CAPRIN2: variants seen among roughly 807,000 people sequenced by gnomAD.
CAPRIN2 encodes the protein caprin-2.
Under a neutral mutation model 130.4 loss-of-function variants are expected in CAPRIN2, and 66 were observed. The observed-to-expected ratio is 0.51, with a 90% CI of 0.42 to 0.62. The LOEUF (loss-of-function observed/expected upper bound fraction) is 0.62, where lower values mean the gene tolerates loss of function less well. Among genes scored for constraint, CAPRIN2 ranks in the 20% least tolerant of loss-of-function variants. The probability of loss-of-function intolerance (pLI) is 0.00; values close to 1 mark genes in which losing one functional copy is unlikely to be tolerated. For synonymous variants in CAPRIN2, 471 were observed against 444.1 expected, an observed-to-expected ratio of 1.06 and a Z score of -0.76; for missense variants, 1,185 against 1,246.6, an observed-to-expected ratio of 0.95 and a Z score of 0.74.
At chr12:30,753,451 G>C in exon 1 of CAPRIN2, 1 of 1,614,156 alleles carries the variant, frequency 6.2e-7, no homozygotes, top group Non-Finnish European at 8.5e-7. Context: ...AGAGTAGACT[G>C]CAGGGGGCTC....
exon 1 of CAPRIN2, chr12:30,753,790 T>C (rs1317064284): frequency 6.3e-7 from 1 of 1,575,336 alleles, no homozygotes; most frequent in East Asian, 2.2e-5. Context: ...TTAGTGCCGC[T>C]AGCCAATAAG....
Position 30,735,147 on chromosome 12 carries a change from CT to C in CAPRIN2, c.629del (p.Glu210GlyfsTer18). The C allele has an allele frequency of 1.2e-6, 2 of 1,614,174 alleles. No homozygotes were observed. Among genetic ancestry groups the C allele is most frequent in the Non-Finnish European group, 1.7e-6 (2 of 1,180,022 alleles). On this transcript the variant is annotated frameshift_variant, in exon 4 of 17. Transcript: ENST00000298892. LOFTEE classifies it high-confidence loss of function. ...GAAGTATAGTTCGAAGCTTTTTCTT[CT>C]CAGCCTCAAGTTTTAGCATGTGCTC... is the stretch of plus-strand genomic sequence containing the variant.
chr12:30,753,514 A>G (rs2074974374), exon 1 of CAPRIN2: 1 of 1,614,036 alleles, frequency 6.2e-7, no homozygotes, highest in Non-Finnish European at 8.5e-7. Context: ...GGCTTGGCTG[A>G]CTTCATATTC....
intron 2 of CAPRIN2, among the ~76,000 whole-genome samples, chr12:30,745,666 T>TC (rs2069769371): frequency 6.6e-6 from 1 of 151,872 alleles, no homozygotes; most frequent in Admixed American, 6.6e-5. Flanking sequence ...AATTCAGTCT[T>TC]CAAGAAATTT....
At position 30,724,393 on chromosome 12, in the gene CAPRIN2, G is replaced by A. The variant is rs2304628; in HGVS notation, c.1964C>T (p.Ser655Leu). The change falls in exon 10 of 17, where the codon TCA becomes TTA. Residue 655 changes from serine (S) to leucine (L), a missense_variant. By Grantham distance (145) the Ser-to-Leu change is moderately radical. Transcript: ENST00000298892. ...ACCTACGGGGCTACCTGGAGTAGCTGAAGGCGGTTGTGACGTTGGAATTGC... is the reference window on the plus strand; with the variant it reads ...ACCTACGGGGCTACCTGGAGTAGCTAAAGGCGGTTGTGACGTTGGAATTGC... 1.2e-4 allele frequency: 192 copies of A among 1,612,804 alleles called. No individual in the cohort carries two copies. The East Asian group carries it at 4.2e-3, about 35-fold the overall frequency.
At chr12:30,730,189 T>G (rs1248347900) in intron 7 of CAPRIN2, 50 bp downstream of exon 8, 2 of 1,474,526 alleles carry the variant, frequency 1.4e-6, no homozygotes, top group Admixed American at 3.4e-5. Flanking sequence ...CATAACCCTA[T>G]GCAAAAGGCT....
At chr12:30,736,249 T>C (rs939795045) in intron 3 of CAPRIN2, among the ~76,000 whole-genome samples, 1 of 152,014 alleles carries the variant, frequency 6.6e-6, no homozygotes, top group Admixed American at 6.6e-5. Context: ...TCTGACATAA[T>C]ATTCATGGGT....
chr12:30,709,775 A>G (rs770022713), exon 17 of CAPRIN2: 254 of 1,067,788 alleles, frequency 2.4e-4, no homozygotes, highest in Non-Finnish European at 2.9e-4. Flanking sequence ...ACAAAAAAGT[A>G]AGGACCTCCT....
exon 8 of CAPRIN2, chr12:30,728,794 T>C: frequency 1.2e-6 from 2 of 1,614,140 alleles, no homozygotes; most frequent in Non-Finnish European, 1.7e-6. Flanking sequence ...TCCCAGGATT[T>C]TGGAGTCTCT....
At chr12:30,735,072 G>A in exon 4 of CAPRIN2, 1 of 1,614,098 alleles carries the variant, frequency 6.2e-7, no homozygotes, top group African/African-American at 1.3e-5. Flanking sequence ...CCCCTTTGAA[G>A]TCTTTTTGTA....
intron 14 of CAPRIN2, among the ~76,000 whole-genome samples, chr12:30,714,126 G>A (rs1179505361): frequency 6.6e-6 from 1 of 152,160 alleles, no homozygotes; most frequent in Non-Finnish European, 1.5e-5. Context: ...GTGGGGTTGG[G>A]AAAGGGTGGT....
At chr12:30,720,078 G>A (rs1212555568) in intron 12 of CAPRIN2, 2 of 151,726 alleles carry the variant, frequency 1.3e-5, no homozygotes, top group Non-Finnish European at 2.9e-5. Context: ...ACATAATACT[G>A]TTAAAATGTT....
intron 8 of CAPRIN2, 76 bp downstream of exon 9, chr12:30,728,572 A>AATT: frequency 8.9e-7 from 1 of 1,128,148 alleles, no homozygotes. Flanking sequence ...AAAAAAAAAG[A>AATT]GAACTAAAAA....
chr12:30,747,495 C>T (rs1045180723), intron 2 of CAPRIN2, among the ~76,000 whole-genome samples: 11 of 151,978 alleles, frequency 7.2e-5, no homozygotes, highest in Admixed American at 2.0e-4. Context: ...CTGACCAACA[C>T]GGAGAAACCC....
chr12:30,728,468 T>C (rs930156767), intron 8 of CAPRIN2, 180 bp downstream of exon 9: 1 of 550,818 alleles, frequency 1.8e-6, no homozygotes, highest in Non-Finnish European at 3.1e-6. Context: ...GGCAAGAGAA[T>C]CGCTTGAATC....
intron 15 of CAPRIN2, among the ~76,000 whole-genome samples, chr12:30,712,711 A>G (rs1160810484): frequency 1.3e-5 from 2 of 148,742 alleles, no homozygotes; most frequent in Non-Finnish European, 3.0e-5. Flanking sequence ...CAAGGCATTT[A>G]GATTCCAAGA....
exon 12 of CAPRIN2, chr12:30,720,837 C>T: frequency 2.5e-6 from 4 of 1,612,538 alleles, no homozygotes; most frequent in Non-Finnish European, 3.4e-6. Flanking sequence ...GTCATAAACT[C>T]TGTTTCAGAT....
intron 2 of CAPRIN2, among the ~76,000 whole-genome samples, chr12:30,749,962 C>T (rs1400899361): frequency 1.3e-5 from 2 of 152,192 alleles, no homozygotes. Flanking sequence ...CTCCAACCCC[C>T]TCTCCCCGAT....
rs745679888 is a variant in CAPRIN2 at position 30,741,122 on chromosome 12, A to C, written c.484-16T>G. ...CTACAGCTTCCTACCAAATAGGATA[A>C]GAAAACATAAATTTTGTGACTGTTT... On this transcript the variant is annotated splice_polypyrimidine_tract_variant and intron_variant, in intron 2 of 16. Coordinates refer to ENST00000298892, the Ensembl canonical transcript of CAPRIN2. 2.4e-5 allele frequency: 35 copies of C among 1,474,692 alleles called. No individual in the cohort carries two copies. The South Asian group carries it at 3.1e-4, about 13-fold the overall frequency. The allele number at this position is 1,474,692 out of a possible 1,614,324, so 91.4% of individuals were successfully genotyped here.
Sources: gnomAD v4.1 joint callset for allele counts (sites outside exome capture counted in the v4.1 genomes callset) on GRCh38, gnomAD v4.1.1 for gene constraint, MANE v1.5 for transcripts, NCBI Gene and HGNC (gene_info 2026-07-23, HGNC 2026-07-21) for gene names.